Variants in CACNA1C observed in about 807,000 individuals in gnomAD.
CACNA1C encodes the protein voltage-dependent L-type calcium channel subunit alpha-1C.
In CACNA1C, 30 loss-of-function variants were observed where a neutral mutation model predicts 229.0. That is an observed-to-expected ratio of 0.13 (90% CI 0.10 to 0.18). The LOEUF (loss-of-function observed/expected upper bound fraction) is 0.18. Among genes scored for constraint, CACNA1C ranks in the 10% least tolerant of loss-of-function variants. The probability of loss-of-function intolerance (pLI) is 1.00; values close to 1 mark genes in which losing one functional copy is unlikely to be tolerated. For synonymous variants in CACNA1C, 1,114 were observed against 1,132.5 expected (o/e 0.98, Z 0.33); for missense variants, 1,658 against 2,845.0 (o/e 0.58, Z 9.49).
chr12:2,220,596 A>C (rs899120514), intron 3 of CACNA1C: 5 of 152,256 alleles, frequency 3.3e-5, no homozygotes, highest in African/African-American at 1.2e-4. Flanking sequence ...TGGGATCTGT[A>C]GTTACTGACC....
chr12:2,647,430 G>T lies in CACNA1C; in HGVS notation c.3913-1045G>T, dbSNP rs1290623375. ...CCAAATGAGTTCAGCAGTCAGACCC[G>T]TGAGAACAGCTTCCTGGGGTGTTAG... On this transcript the variant is annotated intron_variant, in intron 30 of 46. Transcript: ENST00000399655. The surrounding 1 kb of genome is among the most constrained non-coding windows in gnomAD (Gnocchi z 4.2). Among the ~76,000 whole-genome samples, 1 of 152,254 alleles carries T rather than the reference G, an allele frequency of 6.6e-6. No homozygotes were observed. Among genetic ancestry groups the T allele is most frequent in the Non-Finnish European group, 1.5e-5 (1 of 68,048 alleles).
rs1175287193 is a variant in CACNA1C, at chr12:2,319,424, T to C, written c.478-129552T>C. On this transcript the variant is annotated intron_variant, in intron 3 of 46. Transcript: ENST00000399655. The surrounding 1 kb of genome is among the most constrained non-coding windows in gnomAD (Gnocchi z 4.0). ...CGTACATGATGGCCAGTGTACACGATGAGCAGCCACCATGCATCAGGAGGA... is the reference window on the plus strand; with the variant it reads ...CGTACATGATGGCCAGTGTACACGACGAGCAGCCACCATGCATCAGGAGGA... Among the ~76,000 whole-genome samples the C allele has an allele frequency of 6.6e-6, 1 of 152,080 alleles. No homozygotes were observed. The highest frequency in any genetic ancestry group is 2.4e-5 in the African/African-American group (1 of 41,394).
rs570424826 is a variant in CACNA1C at position 2,061,775 on chromosome 12, C to T, written c.49+8164C>T. Among the ~76,000 whole-genome samples the T allele has an allele frequency of 3.3e-5, 5 of 152,366 alleles. No individual in the cohort carries two copies. The East Asian group carries it at 5.8e-4, about 18-fold the overall frequency. ...CACCTGGGCAACCAATGTCTCCTCA[C>T]TTTTGAACGTGAATTCCCCAAACCT... On this transcript the variant is annotated intron_variant, in intron 1 of 46. Coordinates refer to ENST00000399655, the MANE Select transcript of CACNA1C (RefSeq NM_000719.7).
chr12:2,329,959 T>TTGGTTTACA (rs1255704101), intron 3 of CACNA1C, among the ~76,000 whole-genome samples: 3 of 152,212 alleles, frequency 2.0e-5, no homozygotes, highest in Non-Finnish European at 4.4e-5. Flanking sequence ...ATAACGTTAG[T>TTGGTTTACA]TGGTTTACAT....
chr12:2,072,447 G>A (rs901041642), intron 1 of CACNA1C, among the ~76,000 whole-genome samples: 3 of 152,000 alleles, frequency 2.0e-5, no homozygotes, highest in African/African-American at 4.8e-5. Flanking sequence ...CAATCCGCCC[G>A]CCTCGGCCTC....
rs1593862804 is a variant in CACNA1C at position 2,021,934 on chromosome 12, G to A, written c.139+50733G>A. Among the ~76,000 whole-genome samples, 3 of 152,180 alleles carry A rather than the reference G, an allele frequency of 2.0e-5. No homozygotes were observed. In the East Asian group the frequency reaches 5.8e-4, roughly 29 times the overall value. On this transcript the variant is annotated intron_variant, in intron 1 of 46. Transcript: ENST00000682462. Reference sequence around the variant, plus strand: ...AGTTTCCAACACATACGTTTCGGGGGACACAGTCAGACTATCGCAAGTACA... The same window carrying A: ...AGTTTCCAACACATACGTTTCGGGGAACACAGTCAGACTATCGCAAGTACA...
At chr12:2,304,026 T>G (rs913674567) in intron 3 of CACNA1C, among the ~76,000 whole-genome samples, 1 of 152,126 alleles carries the variant, frequency 6.6e-6, no homozygotes, top group African/African-American at 2.4e-5. Context: ...CCTGCCTCTT[T>G]CCTGGTGAGA....
At chr12:2,538,264 C>G (rs1409582087) in intron 9 of CACNA1C, among the ~76,000 whole-genome samples, 2 of 152,076 alleles carry the variant, frequency 1.3e-5, no homozygotes, top group South Asian at 2.1e-4. Context: ...ATATTTAATC[C>G]TGTTTTATAT....
chr12:2,598,942 C>T (rs545173739), intron 21 of CACNA1C, among the ~76,000 whole-genome samples: 4 of 152,246 alleles, frequency 2.6e-5, no homozygotes, highest in East Asian at 3.9e-4. Flanking sequence ...CCGAAAGTTG[C>T]GTGGCTGCAC....
At chr12:2,059,437 G>C (rs1475289215) in intron 1 of CACNA1C, among the ~76,000 whole-genome samples, 1 of 152,108 alleles carries the variant, frequency 6.6e-6, no homozygotes, top group Admixed American at 6.5e-5. Flanking sequence ...TGGAAGCCGA[G>C]GGAACTAGAG....
At chr12:2,061,761 C>T (rs1417964341) in intron 1 of CACNA1C, among the ~76,000 whole-genome samples, 1 of 152,232 alleles carries the variant, frequency 6.6e-6, no homozygotes, top group African/African-American at 2.4e-5. Context: ...ACCTGGGCAA[C>T]CAATGTCTCC....
At chr12:2,427,463 G>C (rs1401855375) in intron 3 of CACNA1C, among the ~76,000 whole-genome samples, 8 of 152,078 alleles carry the variant, frequency 5.3e-5, no homozygotes, top group South Asian at 2.1e-4. Context: ...ACTAGAGCCT[G>C]GGTGTCACTG....
At position 2,493,855 on chromosome 12, in the gene CACNA1C, A is replaced by G. The variant is rs1394742527; in HGVS notation, c.1113+469A>G. Among the ~76,000 whole-genome samples the G allele has an allele frequency of 6.6e-6, 1 of 152,178 alleles. No homozygotes were observed. Among genetic ancestry groups the G allele is most frequent in the Non-Finnish European group, 1.5e-5 (1 of 68,042 alleles). On this transcript the variant is annotated intron_variant, in intron 7 of 46. Coordinates refer to ENST00000399655, the MANE Select transcript of CACNA1C (RefSeq NM_000719.7). This position sits in a 1 kb window ranked among gnomAD's most constrained non-coding sequence, Gnocchi z 4.6. ...TATATAAAGAAACCATTTTTATTGA[A>G]TTGTGTAGCATTGTGACATGCTATT...
At position 2,563,581 on chromosome 12, in the gene CACNA1C, G is replaced by A. The variant is rs574654935; in HGVS notation, c.1509-2841G>A. Among the ~76,000 whole-genome samples, 3 of 152,332 alleles carry A rather than the reference G, an allele frequency of 2.0e-5. No individual in the cohort carries two copies. The East Asian group carries it at 5.8e-4, about 29-fold the overall frequency. On this transcript the variant is annotated intron_variant, in intron 11 of 46. Transcript: ENST00000399655. ...AGTTCTCCCTGCAGTCCTGAAGAAAGAGTACCCTTCTTTGATTACTCTTCA... is the reference window on the plus strand; with the variant it reads ...AGTTCTCCCTGCAGTCCTGAAGAAAAAGTACCCTTCTTTGATTACTCTTCA...
intron 34 of CACNA1C, among the ~76,000 whole-genome samples, chr12:2,658,292 A>G (rs1313346078): frequency 6.6e-6 from 1 of 152,202 alleles, no homozygotes; most frequent in East Asian, 1.9e-4. Context: ...CCCCTCCAAA[A>G]TCTACTTAAA....
At chr12:2,673,157 TTAC>T (rs2096637581) in intron 38 of CACNA1C, among the ~76,000 whole-genome samples, 1 of 152,152 alleles carries the variant, frequency 6.6e-6, no homozygotes, top group South Asian at 2.1e-4. Context: ...GCAAAGCAAA[TTAC>T]TACAAGCTTT....
chr12:2,563,802 C>T (rs531043244), intron 11 of CACNA1C, among the ~76,000 whole-genome samples: 115 of 152,342 alleles, frequency 7.5e-4, no homozygotes, highest in African/African-American at 2.7e-3. Context: ...GGGCTTCTGC[C>T]CTGGAAGTAG....
rs1472197646 is a variant in CACNA1C, at chr12:2,639,312, G to A, written c.3912+4932G>A. ...AAATCATATTTTCCTGTGATTGTTC[G>A]TGAAAGTTACTACAGCACCAGAAAC... is the stretch of plus-strand genomic sequence containing the variant. On this transcript the variant is annotated intron_variant, in intron 30 of 46. Transcript: ENST00000399655. This position sits in a 1 kb window ranked among gnomAD's most constrained non-coding sequence, Gnocchi z 4.2. 1.3e-5 allele frequency among the ~76,000 whole-genome samples: 2 copies of A among 152,174 alleles called. No homozygotes were observed. Among genetic ancestry groups the A allele is most frequent in the East Asian group, 1.9e-4 (1 of 5,196 alleles).
chr12:2,482,317 G>A (rs556120255), intron 5 of CACNA1C, among the ~76,000 whole-genome samples: 1 of 152,368 alleles, frequency 6.6e-6, no homozygotes, highest in South Asian at 2.1e-4. Flanking sequence ...GACTCAGGTC[G>A]TGGAGGCTGA....
Sources: allele counts gnomAD v4.1 joint callset (sites outside exome capture counted in the v4.1 genomes callset), GRCh38; gene constraint gnomAD v4.1.1; non-coding constraint Gnocchi (gnomAD v3.1); transcripts MANE v1.5; gene names NCBI Gene and HGNC (gene_info 2026-07-23, HGNC 2026-07-21).